The following VTA1 variants were observed in gnomAD, a reference collection of about 807,000 sequenced individuals.
VTA1 encodes the protein vacuolar protein sorting-associated protein VTA1 homolog.
Under a neutral mutation model 36.9 loss-of-function variants are expected in VTA1, and 24 were observed. The ratio of observed to expected loss-of-function variants is 0.65; its 90% CI spans 0.47 to 0.91. The LOEUF (loss-of-function observed/expected upper bound fraction) is 0.91. VTA1 is among the 40% of genes least tolerant of loss of function. The probability of loss-of-function intolerance (pLI) is 0.00; values close to 1 mark genes in which losing one functional copy is unlikely to be tolerated. For synonymous variants in VTA1, 142 were observed against 130.2 expected, an observed-to-expected ratio of 1.09 and a Z score of -0.62; for missense variants, 393 against 377.2, an observed-to-expected ratio of 1.04 and a Z score of -0.35.
In VTA1 at chr6:142,170,488, T is replaced by TA. The variant is rs1775008665; in HGVS notation, c.411+68dup. 1.4e-5 allele frequency: 15 copies of TA among 1,082,908 alleles called. No homozygotes were observed. In the South Asian group the frequency reaches 2.5e-4, roughly 18 times the overall value. The allele number at this position is 1,082,908 out of a possible 1,614,324, so 67.1% of individuals were successfully genotyped here. On this transcript the variant is annotated intron_variant, in intron 4 of 7. Coordinates refer to ENST00000367630, the MANE Select transcript of VTA1 (RefSeq NM_016485.5). Reference sequence around the variant, plus strand: ...TAATGTTTCTGTTTATCAATATTGTTATTGCATTGTTTATTTACAGCAGAA... The same window carrying TA: ...TAATGTTTCTGTTTATCAATATTGTTAATTGCATTGTTTATTTACAGCAGAA...
chr6:142,218,761 A>G lies in VTA1; in HGVS notation c.*118A>G, dbSNP rs1056717219. Reference sequence around the variant, plus strand: ...AGACTTGGTTTTGTTGAATATGACAATGAAATCTGTGTGTATCAGATTTTT... The same window carrying G: ...AGACTTGGTTTTGTTGAATATGACAGTGAAATCTGTGTGTATCAGATTTTT... On this transcript the variant is annotated 3_prime_UTR_variant, in exon 8 of 8. Transcript: ENST00000367630. 27 of 1,204,514 alleles carry G rather than the reference A, an allele frequency of 2.2e-5. No individual in the cohort carries two copies. The highest frequency in any genetic ancestry group is 1.2e-4 in the African/African-American group (8 of 64,056). The allele number at this position is 1,204,514 out of a possible 1,614,324, so 74.6% of individuals were successfully genotyped here. A position where few individuals can be genotyped will look rare whatever the true frequency, so the allele number is the denominator to read the frequency against.
chr6:142,165,980 C>CTTTT (rs763634462), intron 1 of VTA1, among the ~76,000 whole-genome samples: 5 of 133,408 alleles, frequency 3.7e-5, no homozygotes, highest in African/African-American at 1.4e-4. Context: ...ACCTAGTCCT[C>CTTTT]TTTTTTTTTT....
chr6:142,187,912 CTTTTTTTTTT>C (rs58131768), intron 4 of VTA1, among the ~76,000 whole-genome samples: 6 of 120,696 alleles, frequency 5.0e-5, no homozygotes, highest in Admixed American at 2.7e-4. Flanking sequence ...TACTTTCTTT[CTTTTTTTTTT>C]TTTTTTTTGG....
At chr6:142,176,328 G>A (rs946712692) in intron 4 of VTA1, among the ~76,000 whole-genome samples, 2 of 152,146 alleles carry the variant, frequency 1.3e-5, no homozygotes, top group Non-Finnish European at 2.9e-5. Context: ...GGAATGAGAT[G>A]AATATGTTTT....
At chr6:142,215,783 A>G (rs1775994331) in intron 7 of VTA1, among the ~76,000 whole-genome samples, 1 of 152,240 alleles carries the variant, frequency 6.6e-6, no homozygotes, top group African/African-American at 2.4e-5. Flanking sequence ...AGATATATCA[A>G]CCTTGGAAAT....
chr6:142,153,462 TTATCATATGATTTACACCTTGTGCCC>T (rs1778605392), intron 1 of VTA1, among the ~76,000 whole-genome samples: 2 of 152,154 alleles, frequency 1.3e-5, no homozygotes, highest in South Asian at 4.1e-4. Flanking sequence ...ATAGGTCATA[TTATCATATGATTTACACCTTGTGCCC>T]TATCCTTTCT....
rs113365521 is a variant in VTA1 at position 142,176,843 on chromosome 6, A to T, written c.411+6422A>T. On this transcript the variant is annotated intron_variant, in intron 4 of 7. Transcript: ENST00000367630. ...ACCACATTTTGATTGGCACAGATCT[A>T]GATCTTTTTTGGATCCTGTTATGGT... Among the ~76,000 whole-genome samples, 179 of 152,228 alleles carry T rather than the reference A, an allele frequency of 1.2e-3. 2 individuals are homozygous for T. The highest frequency in any genetic ancestry group is 3.2e-3 in the African/African-American group (133 of 41,544).
chr6:142,197,334 C>G (rs1775571530), intron 5 of VTA1, among the ~76,000 whole-genome samples: 3 of 152,050 alleles, frequency 2.0e-5, no homozygotes, highest in African/African-American at 7.2e-5. Flanking sequence ...TGTTTATAAT[C>G]AGACAAAAAA....
At chr6:142,156,654 G>C (rs1778668410) in intron 1 of VTA1, among the ~76,000 whole-genome samples, 1 of 152,108 alleles carries the variant, frequency 6.6e-6, no homozygotes, top group South Asian at 2.1e-4. Context: ...ACATTGTAAA[G>C]TTAATAAACT....
At chr6:142,174,238 A>G (rs1054388244) in intron 4 of VTA1, among the ~76,000 whole-genome samples, 1 of 152,204 alleles carries the variant, frequency 6.6e-6, no homozygotes, top group African/African-American at 2.4e-5. Flanking sequence ...CTGCAAAGCC[A>G]TAGGGGCAGA....
intron 6 of VTA1, 55 bp downstream of exon 6, chr6:142,198,670 G>C: frequency 6.7e-7 from 1 of 1,493,774 alleles, no homozygotes; most frequent in Non-Finnish European, 9.0e-7. Context: ...AAGAAGAACT[G>C]CATTTCTTAT....
intron 6 of VTA1, among the ~76,000 whole-genome samples, chr6:142,203,419 T>C (rs1775728487): frequency 6.6e-6 from 1 of 152,110 alleles, no homozygotes; most frequent in South Asian, 2.1e-4. Context: ...AGATGATTAA[T>C]AAATAATCTT....
At chr6:142,180,141 C>T (rs2114655307) in intron 4 of VTA1, among the ~76,000 whole-genome samples, 1 of 152,300 alleles carries the variant, frequency 6.6e-6, no homozygotes, top group South Asian at 2.1e-4. Context: ...TCCCTAGTGC[C>T]TGATTTTCTG....
At chr6:142,154,961 G>A (rs564178753) in intron 1 of VTA1, among the ~76,000 whole-genome samples, 48 of 151,852 alleles carry the variant, frequency 3.2e-4, no homozygotes, top group Middle Eastern at 3.4e-3. Flanking sequence ...GCTTTCTTTA[G>A]ATTTAAAAAA....
At position 142,221,833 on chromosome 6, in the gene VTA1, T is replaced by A. The variant is rs1289917961; in HGVS notation, c.*3190T>A. The stretch of plus-strand genomic sequence containing the variant: ...ATATAATATATATATTAGCCTGGCA[T>A]GGTGGCACATACCTCTAATCTCAGC... On this transcript the variant is annotated 3_prime_UTR_variant, in exon 8 of 8. Coordinates refer to ENST00000367630, the MANE Select transcript of VTA1 (RefSeq NM_016485.5). The A allele has an allele frequency of 1.3e-5, 2 of 149,502 alleles. No individual in the cohort carries two copies. The highest frequency in any genetic ancestry group is 3.0e-5 in the Non-Finnish European group (2 of 67,516). The allele number at this position is 149,502 out of a possible 1,614,324, so 9.3% of individuals were successfully genotyped here. A position where few individuals can be genotyped will look rare whatever the true frequency, so the allele number is the denominator to read the frequency against.
intron 7 of VTA1, among the ~76,000 whole-genome samples, chr6:142,208,415 A>C (rs956655209): frequency 1.3e-5 from 2 of 152,118 alleles, no homozygotes; most frequent in Non-Finnish European, 2.9e-5. Context: ...AGAGAATGAA[A>C]AGGACTGGCT....
At chr6:142,153,980 A>C (rs1021681125) in intron 1 of VTA1, among the ~76,000 whole-genome samples, 2 of 152,098 alleles carry the variant, frequency 1.3e-5, no homozygotes, top group African/African-American at 2.4e-5. Flanking sequence ...GCATTGGTAC[A>C]ATTCACTGGT....
At chr6:142,217,155 T>A (rs1776018205) in intron 7 of VTA1, among the ~76,000 whole-genome samples, 1 of 152,174 alleles carries the variant, frequency 6.6e-6, no homozygotes, top group African/African-American at 2.4e-5. Flanking sequence ...TAATCCCTGA[T>A]TCACAACAGT....
At chr6:142,172,183 T>C (rs952776629) in intron 4 of VTA1, among the ~76,000 whole-genome samples, 16 of 152,156 alleles carry the variant, frequency 1.1e-4, no homozygotes, top group African/African-American at 9.7e-5. Context: ...GCTAATTTTT[T>C]GTATTTTAGC....
Sources: gnomAD v4.1 joint callset for allele counts (sites outside exome capture counted in the v4.1 genomes callset) on GRCh38, gnomAD v4.1.1 for gene constraint, MANE v1.5 for transcripts, NCBI Gene and HGNC (gene_info 2026-07-23, HGNC 2026-07-21) for gene names.